SLC9A9: variants seen among roughly 807,000 people sequenced by gnomAD.
SLC9A9 encodes the protein sodium/hydrogen exchanger 9.
SLC9A9 carries 62 observed loss-of-function variants against 77.8 expected under a neutral mutation model. That is an observed-to-expected ratio of 0.80 (90% confidence interval 0.65 to 0.98). The LOEUF (loss-of-function observed/expected upper bound fraction) is 0.98, where lower values mean the gene tolerates loss of function less well. SLC9A9 is among the 50% of genes least tolerant of loss of function. SLC9A9 has a pLI of 0.00. For missense variants in SLC9A9, 775 were observed against 774.9 expected (o/e 1.00, Z 0.00); for synonymous variants, 320 against 283.5 (o/e 1.13, Z -1.29).
At chr3:143,800,159 A>G (rs2008512366) in intron 2 of SLC9A9, among the ~76,000 whole-genome samples, 1 of 151,954 alleles carries the variant, frequency 6.6e-6, no homozygotes, top group Non-Finnish European at 1.5e-5. Flanking sequence ...TTCCCCTTGT[A>G]TCTTCCTACC....
At chr3:143,298,866 G>A (rs2030394815) in intron 14 of SLC9A9, among the ~76,000 whole-genome samples, 1 of 152,168 alleles carries the variant, frequency 6.6e-6, no homozygotes, top group Non-Finnish European at 1.5e-5. Flanking sequence ...TTCTGCTGGA[G>A]GGAAAAGAAT....
chr3:143,398,769 C>T (rs1450892230), intron 12 of SLC9A9, among the ~76,000 whole-genome samples: 5 of 152,144 alleles, frequency 3.3e-5, no homozygotes, highest in Admixed American at 3.3e-4. Flanking sequence ...GTTTCACCAA[C>T]ACTAATATAT....
At position 143,270,329 on chromosome 3, in the gene SLC9A9, A is replaced by G. The variant is rs138571155; in HGVS notation, c.1605-1349T>C. Among the ~76,000 whole-genome samples, 504 of 152,234 alleles carry G rather than the reference A, an allele frequency of 3.3e-3. 5 individuals are homozygous for G. Among genetic ancestry groups the G allele is most frequent in the African/African-American group, 0.012 (482 of 41,532 alleles). ...TGTATGAAGGAATTGAGGCCTAGAGATATAATTTTAAATAATCCAAAGGCT... is the reference window on the plus strand; with the variant it reads ...TGTATGAAGGAATTGAGGCCTAGAGGTATAATTTTAAATAATCCAAAGGCT... On this transcript the variant is annotated intron_variant, in intron 14 of 15. Transcript: ENST00000316549.
intron 5 of SLC9A9, among the ~76,000 whole-genome samples, chr3:143,656,895 A>T (rs1216985010): frequency 6.6e-6 from 1 of 152,172 alleles, no homozygotes; most frequent in Admixed American, 6.5e-5. Flanking sequence ...GCATTTTTCC[A>T]TTTCCAAAAA....
chr3:143,843,124 C>T lies in SLC9A9; in HGVS notation c.175+5024G>A, dbSNP rs144704047. On this transcript the variant is annotated intron_variant, in intron 1 of 15. Coordinates refer to ENST00000316549, the MANE Select transcript of SLC9A9 (RefSeq NM_173653.4). ...TCAATATTTTCTCTATAAAAAAAGC[C>T]ACAGTGGAATAAGTAGAGCCTTGGA... Among the ~76,000 whole-genome samples the T allele has an allele frequency of 3.9e-5, 6 of 152,098 alleles. No homozygotes were observed. The East Asian group carries it at 1.2e-3, about 29-fold the overall frequency.
At chr3:143,283,598 C>G (rs921226730) in intron 14 of SLC9A9, among the ~76,000 whole-genome samples, 6 of 152,200 alleles carry the variant, frequency 3.9e-5, no homozygotes, top group African/African-American at 1.4e-4. Flanking sequence ...TTGGTCCTCC[C>G]AAACCACTTT....
At chr3:143,622,450 G>C (rs1013930390) in intron 6 of SLC9A9, among the ~76,000 whole-genome samples, 1 of 152,142 alleles carries the variant, frequency 6.6e-6, no homozygotes, top group Non-Finnish European at 1.5e-5. Context: ...AAGAGAGTGG[G>C]GGCCAATATT....
intron 6 of SLC9A9, among the ~76,000 whole-genome samples, chr3:143,640,365 T>G (rs2038601339): frequency 6.6e-6 from 1 of 152,184 alleles, no homozygotes; most frequent in South Asian, 2.1e-4. Context: ...GTTCCACTTC[T>G]GCCTCATGTG....
At chr3:143,835,764 G>A (rs982025072) in intron 1 of SLC9A9, among the ~76,000 whole-genome samples, 3 of 152,210 alleles carry the variant, frequency 2.0e-5, no homozygotes, top group African/African-American at 7.2e-5. Flanking sequence ...CACCACTCTT[G>A]TTGGTAAACC....
At chr3:143,756,586 G>A (rs1413989383) in intron 4 of SLC9A9, among the ~76,000 whole-genome samples, 1 of 152,182 alleles carries the variant, frequency 6.6e-6, no homozygotes, top group Non-Finnish European at 1.5e-5. Flanking sequence ...TTCCACATCT[G>A]TGCATAACTG....
intron 11 of SLC9A9, among the ~76,000 whole-genome samples, chr3:143,480,163 C>T (rs2035549920): frequency 1.3e-5 from 2 of 152,292 alleles, no homozygotes; most frequent in Middle Eastern, 6.8e-3. Context: ...AACAGTAGTT[C>T]CCATCTAAAA....
intron 14 of SLC9A9, among the ~76,000 whole-genome samples, chr3:143,338,279 T>C (rs1255098513): frequency 2.0e-5 from 3 of 152,234 alleles, no homozygotes; most frequent in Non-Finnish European, 4.4e-5. Flanking sequence ...GTGTTTTCTG[T>C]AATATTTCAG....
intron 4 of SLC9A9, among the ~76,000 whole-genome samples, chr3:143,740,035 A>G (rs958244403): frequency 6.6e-6 from 1 of 152,170 alleles, no homozygotes; most frequent in Non-Finnish European, 1.5e-5. Flanking sequence ...GAGCAAGAGC[A>G]TTGCCATCAG....
intron 5 of SLC9A9, among the ~76,000 whole-genome samples, chr3:143,655,915 T>C (rs2038880571): frequency 6.6e-6 from 1 of 152,200 alleles, no homozygotes; most frequent in Non-Finnish European, 1.5e-5. Flanking sequence ...CCATAACTTA[T>C]GAGGTCTAAG....
intron 5 of SLC9A9, among the ~76,000 whole-genome samples, chr3:143,680,932 A>T (rs1933069412): frequency 6.6e-6 from 1 of 152,156 alleles, no homozygotes; most frequent in South Asian, 2.1e-4. Context: ...AAGATATCAG[A>T]GGAGGGGCAG....
At chr3:143,515,699 A>G (rs1028118758) in intron 9 of SLC9A9, among the ~76,000 whole-genome samples, 4 of 152,208 alleles carry the variant, frequency 2.6e-5, no homozygotes, top group African/African-American at 7.2e-5. Context: ...AACTGTACTC[A>G]CAATTTTCTA....
At chr3:143,293,896 T>G (rs768358339) in intron 14 of SLC9A9, among the ~76,000 whole-genome samples, 1 of 152,214 alleles carries the variant, frequency 6.6e-6, no homozygotes, top group Non-Finnish European at 1.5e-5. Context: ...AAGTATTCAT[T>G]GTTAAAACCA....
chr3:143,368,482 A>G (rs555086741), intron 13 of SLC9A9, among the ~76,000 whole-genome samples: 1 of 152,348 alleles, frequency 6.6e-6, no homozygotes, highest in East Asian at 1.9e-4. Flanking sequence ...GCTTTGGGAT[A>G]ATCATACGGG....
rs374811904 is a variant in SLC9A9 at position 143,370,567 on chromosome 3, G to A, written c.1525-7004C>T. 9.9e-3 allele frequency among the ~76,000 whole-genome samples: 1,418 copies of A among 143,394 alleles called. 16 individuals are homozygous for A. The highest frequency in any genetic ancestry group is 0.029 in the African/African-American group (1,131 of 38,774). The allele number at this position is 143,394 out of a possible 152,430, so 94.1% of individuals were successfully genotyped here. ...TGTACACAAGTATATGCATGTGCGCGCACACACACACACACACACACACAC... is the reference window on the plus strand; with the variant it reads ...TGTACACAAGTATATGCATGTGCGCACACACACACACACACACACACACAC... On this transcript the variant is annotated intron_variant, in intron 13 of 15. Transcript: ENST00000316549.
Sources: allele counts gnomAD v4.1 joint callset (sites outside exome capture counted in the v4.1 genomes callset), GRCh38; gene constraint gnomAD v4.1.1; transcripts MANE v1.5; gene names NCBI Gene and HGNC (gene_info 2026-07-23, HGNC 2026-07-21).